SSH1: variants seen among roughly 807,000 people sequenced by gnomAD.
SSH1 encodes the protein slingshot protein phosphatase 1, also known as protein phosphatase Slingshot homolog 1.
Under a neutral mutation model 79.7 loss-of-function variants are expected in SSH1, and 43 were observed. The ratio of observed to expected loss-of-function variants is 0.54; its 90% CI spans 0.42 to 0.70. The LOEUF (loss-of-function observed/expected upper bound fraction) is 0.70, where lower values mean the gene tolerates loss of function less well. Ranked by LOEUF, SSH1 falls within the 30% of genes least tolerant of loss-of-function variation. The probability of loss-of-function intolerance (pLI) is 0.00; values close to 1 mark genes in which losing one functional copy is unlikely to be tolerated. For synonymous variants in SSH1, 599 were observed against 538.3 expected (o/e 1.11, Z -1.56); for missense variants, 1,206 against 1,358.8 (o/e 0.89, Z 1.77).
At chr12:108,837,103 A>G (rs1463312631) in intron 2 of SSH1, 3 of 367,920 alleles carry the variant, frequency 8.2e-6, no homozygotes, top group African/African-American at 4.1e-5. Context: ...GTGGTGGAGC[A>G]TGCCCGTAAT....
At chr12:108,800,687 A>C in intron 12 of SSH1, 93 bp downstream of exon 12, 1 of 1,527,052 alleles carries the variant, frequency 6.5e-7, no homozygotes, top group Non-Finnish European at 9.1e-7. Flanking sequence ...CCCTCCCACC[A>C]GCCGACTTCT....
chr12:108,830,371 G>A (rs1365545910), intron 2 of SSH1, among the ~76,000 whole-genome samples: 2 of 152,136 alleles, frequency 1.3e-5, no homozygotes, highest in Non-Finnish European at 2.9e-5. Flanking sequence ...AGAATCACTT[G>A]TACCCTGGAG....
At position 108,857,353 on chromosome 12, in the gene SSH1, C is replaced by T. The variant is rs1479075284; in HGVS notation, c.69+75G>A. ...CGCGCAGCCGCCCCCCTGCCCCGCA[C>T]GCGCGGCCCCAGCTCCGGCGGCCTC... On this transcript the variant is annotated intron_variant, in intron 1 of 14. Transcript: ENST00000326495. The surrounding 1 kb of genome is among the most constrained non-coding windows in gnomAD (Gnocchi z 4.7). 1.1e-6 allele frequency: 1 copy of T among 888,258 alleles called. No individual in the cohort carries two copies. Among genetic ancestry groups the T allele is most frequent in the Non-Finnish European group, 1.3e-6 (1 of 741,990 alleles). The allele number at this position is 888,258 out of a possible 1,614,324, so 55.0% of individuals were successfully genotyped here. A position where few individuals can be genotyped will look rare whatever the true frequency, so the allele number is the denominator to read the frequency against.
intron 14 of SSH1, among the ~76,000 whole-genome samples, chr12:108,791,412 C>A (rs548521611): frequency 6.6e-6 from 1 of 152,280 alleles, no homozygotes; most frequent in African/African-American, 2.4e-5. Flanking sequence ...CTGGCCCTAT[C>A]AGTTTTTTTA....
chr12:108,788,508 G>A lies in SSH1; in HGVS notation c.2630C>T (p.Ala877Val), dbSNP rs770441989. Residue 877 changes from alanine (A) to valine (V), a missense_variant, in exon 15 of 15, where the codon GCC (alanine) becomes GTC (valine). Transcript: ENST00000326495. ...ELGPLVMPSQ[A>V]GSDEKSEAAP... ...GGCCTCTGACTTCTCATCACTCCCG[G>A]CCTGGCTGGGCATAACCAGGGGGCC... 2.6e-6 allele frequency: 4 copies of A among 1,559,986 alleles called. No homozygotes were observed. Among genetic ancestry groups the A allele is most frequent in the Middle Eastern group, 1.7e-4 (1 of 5,790 alleles).
rs2036226767 is a variant in SSH1, at chr12:108,784,804, A to G, written c.*3184T>C. 6.6e-6 allele frequency: 1 copy of G among 152,226 alleles called. No individual in the cohort carries two copies. The highest frequency in any genetic ancestry group is 2.4e-5 in the African/African-American group (1 of 41,458). 9.4% of individuals were successfully genotyped at this position (152,226 alleles called of 1,614,324 possible). On this transcript the variant is annotated 3_prime_UTR_variant, in exon 15 of 15. Coordinates refer to ENST00000326495, the MANE Select transcript of SSH1 (RefSeq NM_018984.4). The stretch of plus-strand genomic sequence containing the variant: ...TAATGTGAGGCAGAAGATAAGATTC[A>G]GCTGTTTTTTATAAAGAGTATCAAG...
intron 10 of SSH1, among the ~76,000 whole-genome samples, chr12:108,803,620 G>T (rs1403273333): frequency 6.6e-6 from 1 of 152,102 alleles, no homozygotes; most frequent in Non-Finnish European, 1.5e-5. Context: ...TGGAAAAAGT[G>T]ACATAAAGCA....
intron 2 of SSH1, among the ~76,000 whole-genome samples, chr12:108,825,023 TTTTG>T (rs1237403711): frequency 1.3e-5 from 2 of 152,198 alleles, no homozygotes; most frequent in South Asian, 2.1e-4. Flanking sequence ...AAACATCTAC[TTTTG>T]TTTGATTCTC....
rs1349553714 is a variant in SSH1 at position 108,786,942 on chromosome 12, A to T, written c.*1046T>A. 6.6e-6 allele frequency: 1 copy of T among 152,278 alleles called. No individual in the cohort carries two copies. The highest frequency in any genetic ancestry group is 1.5e-5 in the Non-Finnish European group (1 of 68,096). 9.4% of individuals were successfully genotyped at this position (152,278 alleles called of 1,614,324 possible). A position where few individuals can be genotyped will look rare whatever the true frequency, so the allele number is the denominator to read the frequency against. ...ACTGCTGCTGGGAAGAGCTGGAGGG[A>T]AACAGGAAGCAGTAATCTCACTGCA... On this transcript the variant is annotated 3_prime_UTR_variant, in exon 15 of 15. Coordinates refer to ENST00000326495, the MANE Select transcript of SSH1 (RefSeq NM_018984.4).
chr12:108,806,416 G>A lies in SSH1; in HGVS notation c.732-22C>T, dbSNP rs372023658. The A allele has an allele frequency of 4.7e-5, 75 of 1,607,850 alleles. No individual in the cohort carries two copies. The African/African-American group carries it at 9.1e-4, about 19-fold the overall frequency. The stretch of plus-strand genomic sequence containing the variant: ...GGGCCTGGAAAGAAATGACGTTTAG[G>A]AGAGCAAGGAGCTGTAGAAAGCTTG... On this transcript the variant is annotated intron_variant, in intron 8 of 14. Coordinates refer to ENST00000326495, the MANE Select transcript of SSH1 (RefSeq NM_018984.4).
chr12:108,847,356 C>T (rs2038921097), intron 2 of SSH1, among the ~76,000 whole-genome samples: 1 of 152,248 alleles, frequency 6.6e-6, no homozygotes, highest in African/African-American at 2.4e-5. Context: ...AAACTTAGGT[C>T]TGCCTGACTC....
At chr12:108,803,864 G>A (rs1223621127) in intron 10 of SSH1, among the ~76,000 whole-genome samples, 1 of 152,068 alleles carries the variant, frequency 6.6e-6, no homozygotes, top group Admixed American at 6.5e-5. Flanking sequence ...ATACAGAAAT[G>A]TATTAAAAAA....
Position 108,788,830 on chromosome 12 carries a change from C to T in SSH1, c.2308G>A (p.Glu770Lys). The change falls in exon 15 of 15, where the codon GAA (glutamate) becomes AAA (lysine). Residue 770 changes from glutamate (E) to lysine (K), a missense_variant. Around this residue, in one of 5 missense-constraint regions of SSH1, gnomAD observed 709 missense variants for 730.6 expected, o/e 0.97. Coordinates refer to ENST00000326495, the MANE Select transcript of SSH1 (RefSeq NM_018984.4). Reference protein sequence around the residue: ...SHCDKNPPSTEVVIKEESSPK... With the variant: ...SHCDKNPPSTKVVIKEESSPK... ...GACGATTCTTCCTTTATTACCACTTCTGTGCTGGGAGGGTTCTTATCACAG... is the reference window on the plus strand; with the variant it reads ...GACGATTCTTCCTTTATTACCACTTTTGTGCTGGGAGGGTTCTTATCACAG... The T allele has an allele frequency of 6.2e-7, 1 of 1,614,234 alleles. No individual in the cohort carries two copies. Among genetic ancestry groups the T allele is most frequent in the Non-Finnish European group, 8.5e-7 (1 of 1,180,044 alleles).
At chr12:108,843,307 A>G (rs2038822261) in intron 2 of SSH1, among the ~76,000 whole-genome samples, 1 of 152,122 alleles carries the variant, frequency 6.6e-6, no homozygotes, top group African/African-American at 2.4e-5. Flanking sequence ...AAAGTCCAAG[A>G]CCACTTTTAG....
intron 2 of SSH1, among the ~76,000 whole-genome samples, chr12:108,845,560 G>A (rs928362107): frequency 2.6e-5 from 4 of 152,048 alleles, no homozygotes; most frequent in East Asian, 1.9e-4. Context: ...GGTGGTATGC[G>A]CCTGTAATCC....
rs938324832 is a variant in SSH1, at chr12:108,802,002, G to A, written c.1001+320C>T. Among the ~76,000 whole-genome samples the A allele has an allele frequency of 2.6e-5, 4 of 152,224 alleles. No individual in the cohort carries two copies. In the East Asian group the frequency reaches 7.7e-4, roughly 29 times the overall value. ...GTTTGCAGCAACTGTGCGGGGCAGGGAAGCGGGGTGGGGGTGAGGCAGCAC... is the reference window on the plus strand; with the variant it reads ...GTTTGCAGCAACTGTGCGGGGCAGGAAAGCGGGGTGGGGGTGAGGCAGCAC... On this transcript the variant is annotated intron_variant, in intron 11 of 14. Transcript: ENST00000326495.
chr12:108,802,189 C>G (rs1471637322), intron 11 of SSH1, 133 bp downstream of exon 11: 1 of 749,126 alleles, frequency 1.3e-6, no homozygotes, highest in Non-Finnish European at 2.4e-6. Context: ...CACATCAACC[C>G]CTGGCAGCCA....
chr12:108,812,513 G>C (rs2037665068), intron 5 of SSH1, among the ~76,000 whole-genome samples: 3 of 152,132 alleles, frequency 2.0e-5, no homozygotes, highest in African/African-American at 7.3e-5. Flanking sequence ...CAGGGCCAAG[G>C]CCAGGCCTAG....
At chr12:108,831,670 A>T (rs2038477623) in intron 2 of SSH1, among the ~76,000 whole-genome samples, 1 of 152,190 alleles carries the variant, frequency 6.6e-6, no homozygotes, top group Non-Finnish European at 1.5e-5. Context: ...AGGATCAGTA[A>T]ACAGAGAGGC....
Sources: allele counts gnomAD v4.1 joint callset (sites outside exome capture counted in the v4.1 genomes callset), GRCh38; gene constraint gnomAD v4.1.1; regional missense constraint gnomAD v4.1.1; non-coding constraint Gnocchi (gnomAD v3.1); transcripts MANE v1.5; gene names NCBI Gene and HGNC (gene_info 2026-07-23, HGNC 2026-07-21).